Variants in CYB5R4 observed in about 807,000 individuals in gnomAD.
CYB5R4 encodes N-terminal cytochrome b5 and cytochrome b5 oxidoreductase domain-containing protein.
A neutral mutation model predicts 70.2 loss-of-function variants in CYB5R4; 55 were observed. That is an observed-to-expected ratio of 0.78 (90% CI 0.63 to 0.98). The LOEUF (loss-of-function observed/expected upper bound fraction) is 0.98, where lower values mean the gene tolerates loss of function less well. CYB5R4 is among the 50% of genes least tolerant of loss of function. The pLI, the probability that CYB5R4 is intolerant of heterozygous loss-of-function variation, is 0.00. For missense variants in CYB5R4, 562 were observed against 612.6 expected (o/e 0.92, Z 0.87); for synonymous variants, 197 against 199.5 (o/e 0.99, Z 0.11).
chr6:83,955,979 G>A (rs773401280), intron 15 of CYB5R4, among the ~76,000 whole-genome samples: 17 of 152,246 alleles, frequency 1.1e-4, no homozygotes, highest in Non-Finnish European at 1.9e-4. Context: ...TGGTAGTGGC[G>A]ATCCTGTTTG....
At position 83,959,862 on chromosome 6, in the gene CYB5R4, A is replaced by G. The variant is rs758370916; in HGVS notation, c.1550A>G (p.His517Arg). 1.3e-6 allele frequency: 2 copies of G among 1,599,980 alleles called. No homozygotes were observed. The highest frequency in any genetic ancestry group is 1.1e-5 in the South Asian group (1 of 88,070). The change falls in exon 16 of 16, where the codon CAT becomes CGT. Residue 517 changes from histidine to arginine, a missense_variant. By Grantham distance (29) the His-to-Arg change is conservative. Coordinates refer to ENST00000369681, the MANE Select transcript of CYB5R4 (RefSeq NM_016230.4). Reference protein sequence around the residue: ...HDLNFSKNEIHSFTA With the variant: ...HDLNFSKNEIRSFTA ...CTCAACTTTTCCAAAAATGAGATCC[A>G]TAGTTTTACAGCATAATGAAGAGCT...
chr6:83,864,820 TG>T (rs1309718748), intron 2 of CYB5R4, among the ~76,000 whole-genome samples: 1 of 152,242 alleles, frequency 6.6e-6, no homozygotes, highest in Non-Finnish European at 1.5e-5. Context: ...TACTTGATTT[TG>T]TTTAGCTCAG....
intron 7 of CYB5R4, among the ~76,000 whole-genome samples, chr6:83,920,474 A>G (rs2099466190): frequency 6.6e-6 from 1 of 152,138 alleles, no homozygotes; most frequent in East Asian, 1.9e-4. Flanking sequence ...TGCACTGGTA[A>G]TATCAATGGA....
rs1375318110 is a variant in CYB5R4, at chr6:83,859,841, C to A, written c.59C>A (p.Ser20Tyr). Residue 20 changes from serine (S) to tyrosine (Y), a missense_variant, in exon 1 of 16, where the codon TCC (serine) becomes TAC (tyrosine). Coordinates refer to ENST00000369681, the MANE Select transcript of CYB5R4 (RefSeq NM_016230.4). ...CCCAGGTCGCAGCAGCGTGTCGCCT[C>A]CGGGGGGCGTAGCAAGGTAAGCGGG... ...PAPRSQQRVA[S>Y]GGRSKVPLKQ... 1.2e-6 allele frequency: 2 copies of A among 1,612,856 alleles called. No individual in the cohort carries two copies. Among genetic ancestry groups the A allele is most frequent in the Non-Finnish European group, 1.7e-6 (2 of 1,179,700 alleles).
At chr6:83,871,348 T>C (rs1031264166) in intron 2 of CYB5R4, among the ~76,000 whole-genome samples, 1 of 152,186 alleles carries the variant, frequency 6.6e-6, no homozygotes, top group Admixed American at 6.5e-5. Flanking sequence ...ATGCAAATAA[T>C]CTAGTCTTTG....
intron 1 of CYB5R4, among the ~76,000 whole-genome samples, chr6:83,860,353 G>C (rs529409573): frequency 2.0e-5 from 3 of 152,082 alleles, no homozygotes; most frequent in African/African-American, 7.2e-5. Flanking sequence ...AGCTAGGTCA[G>C]GTTTACAGAC....
chr6:83,908,191 T>C (rs1156260865), intron 3 of CYB5R4, among the ~76,000 whole-genome samples: 1 of 152,228 alleles, frequency 6.6e-6, no homozygotes, highest in Non-Finnish European at 1.5e-5. Flanking sequence ...TGAGATGGTA[T>C]CTCATTGTGG....
chr6:83,955,374 C>T lies in CYB5R4; in HGVS notation c.1423C>T (p.Leu475Phe), dbSNP rs1296227356. ...GKQGHISPALLSEFLKRNLDK... is the reference protein window; with the variant it reads ...GKQGHISPALFSEFLKRNLDK... Reference sequence around the variant, plus strand: ...ACAGGGACATATTTCACCAGCTCTTCTTTCTGAATTTTTGAAAAGAAATTT... The same window carrying T: ...ACAGGGACATATTTCACCAGCTCTTTTTTCTGAATTTTTGAAAAGAAATTT... Residue 475 changes from leucine (L) to phenylalanine (F), a missense_variant, in exon 15 of 16, where the codon CTT becomes TTT. Coordinates refer to ENST00000369681, the MANE Select transcript of CYB5R4 (RefSeq NM_016230.4). 1 of 1,613,936 alleles carries T rather than the reference C, an allele frequency of 6.2e-7. No individual in the cohort carries two copies. The highest frequency in any genetic ancestry group is 8.5e-7 in the Non-Finnish European group (1 of 1,179,904).
chr6:83,943,723 G>C (rs1364136671), intron 14 of CYB5R4, among the ~76,000 whole-genome samples: 1 of 152,048 alleles, frequency 6.6e-6, no homozygotes, highest in Non-Finnish European at 1.5e-5. Flanking sequence ...CAGAAGGCTA[G>C]AGGAGTATCT....
chr6:83,882,014 T>C (rs2099459525), intron 2 of CYB5R4, among the ~76,000 whole-genome samples: 1 of 152,194 alleles, frequency 6.6e-6, no homozygotes, highest in Non-Finnish European at 1.5e-5. Context: ...TTATAGCTGA[T>C]TATCTCCTGT....
At chr6:83,944,775 A>G (rs929369572) in intron 14 of CYB5R4, among the ~76,000 whole-genome samples, 1 of 152,108 alleles carries the variant, frequency 6.6e-6, no homozygotes, top group Non-Finnish European at 1.5e-5. Context: ...AAAAAAAAGC[A>G]GGAGTTGCAA....
At chr6:83,937,738 C>T (rs906376793) in intron 12 of CYB5R4, among the ~76,000 whole-genome samples, 1 of 152,172 alleles carries the variant, frequency 6.6e-6, no homozygotes, top group Non-Finnish European at 1.5e-5. Flanking sequence ...AAGCTGGTCT[C>T]GAACTCCTAA....
chr6:83,891,803 G>A (rs2099461161), intron 2 of CYB5R4, among the ~76,000 whole-genome samples: 1 of 152,198 alleles, frequency 6.6e-6, no homozygotes, highest in African/African-American at 2.4e-5. Context: ...CAGAGAACAT[G>A]TATGGAATGT....
chr6:83,924,605 CT>C lies in CYB5R4; in HGVS notation c.814+17del, dbSNP rs1186911592. 6.2e-7 allele frequency: 1 copy of C among 1,608,128 alleles called. No homozygotes were observed. The highest frequency in any genetic ancestry group is 1.3e-5 in the African/African-American group (1 of 74,520). On this transcript the variant is annotated intron_variant, in intron 10 of 15. Transcript: ENST00000369681. Reference sequence around the variant, plus strand: ...AGGAAAGATACAGGTATGCTGTGTTCTTTTGTTACGTTAATTTCACATTCAT... The same window carrying C: ...AGGAAAGATACAGGTATGCTGTGTTCTTTGTTACGTTAATTTCACATTCAT...
chr6:83,890,270 A>G (rs2099460916), intron 2 of CYB5R4, among the ~76,000 whole-genome samples: 1 of 152,222 alleles, frequency 6.6e-6, no homozygotes, highest in South Asian at 2.1e-4. Context: ...CAAAGTATCA[A>G]CATTAACAGG....
intron 14 of CYB5R4, among the ~76,000 whole-genome samples, chr6:83,949,424 A>G (rs1385487233): frequency 6.6e-6 from 1 of 152,154 alleles, no homozygotes; most frequent in Non-Finnish European, 1.5e-5. Flanking sequence ...TAATATAGTA[A>G]ATCATCACTC....
At chr6:83,862,890 T>C (rs991541196) in intron 1 of CYB5R4, among the ~76,000 whole-genome samples, 1 of 152,162 alleles carries the variant, frequency 6.6e-6, no homozygotes, top group Non-Finnish European at 1.5e-5. Flanking sequence ...TGATGTAGAT[T>C]GATAGGATAG....
At position 83,964,150 on chromosome 6, in the gene CYB5R4, G is replaced by A. The variant is rs552156295; in HGVS notation, c.*4272G>A. 4 of 156,992 alleles carry A rather than the reference G, an allele frequency of 2.5e-5. No homozygotes were observed. In the South Asian group the frequency reaches 7.8e-4, roughly 31 times the overall value. The allele number at this position is 156,992 out of a possible 1,614,324, so 9.7% of individuals were successfully genotyped here. On this transcript the variant is annotated 3_prime_UTR_variant, in exon 16 of 16. Transcript: ENST00000369681. ...AATTGGTACCAGTAGAGCAGGTGTT[G>A]CTGCAAAGATACCGGGAAATGTGGA...
At chr6:83,893,469 T>C (rs1359955162) in intron 2 of CYB5R4, 53 bp from the exon 3 acceptor site, 1 of 1,038,792 alleles carries the variant, frequency 9.6e-7, no homozygotes. Context: ...TTATAAGTTT[T>C]ACAATTTTTG....
Sources: gnomAD v4.1 joint callset for allele counts (sites outside exome capture counted in the v4.1 genomes callset) on GRCh38, gnomAD v4.1.1 for gene constraint, MANE v1.5 for transcripts, NCBI Gene and HGNC (gene_info 2026-07-23, HGNC 2026-07-21) for gene names.